LRRC57: variants seen among roughly 807,000 people sequenced by gnomAD.
The protein encoded by LRRC57 is leucine-rich repeat-containing protein 57.
In LRRC57, 14 loss-of-function variants were observed where a neutral mutation model predicts 23.1. The ratio of observed to expected loss-of-function variants is 0.61; its 90% CI spans 0.40 to 0.95. The LOEUF (loss-of-function observed/expected upper bound fraction) is 0.95, where lower values mean the gene tolerates loss of function less well. LRRC57 is among the 40% of genes least tolerant of loss of function. LRRC57 has a pLI of 0.00. For missense variants in LRRC57, 236 were observed against 284.4 expected (o/e 0.83, Z 1.22); for synonymous variants, 106 against 115.2 (o/e 0.92, Z 0.51).
At chr15:42,544,842 C>CACAATATA in intron 5 of LRRC57, among the ~76,000 whole-genome samples, 3 of 98,044 alleles carry the variant, frequency 3.1e-5, no homozygotes, top group African/African-American at 2.0e-4. Flanking sequence ...CACACACACA[C>CACAATATA]TATATATATA....
At position 42,546,623 on chromosome 15, in the gene LRRC57, A is replaced by G. The variant is rs946230525; in HGVS notation, c.492+638T>C. Among the ~76,000 whole-genome samples, 11 of 152,334 alleles carry G rather than the reference A, an allele frequency of 7.2e-5. No individual in the cohort carries two copies. The East Asian group carries it at 1.9e-3, about 27-fold the overall frequency. On this transcript the variant is annotated intron_variant, in intron 4 of 5. Coordinates refer to ENST00000397130, the MANE Select transcript of LRRC57 (RefSeq NM_153260.3). ...AGGCCATCCAGTCTCACAGTGTTTA[A>G]TATTTCATCACTTGTGCCTTCATGC...
At chr15:42,537,580 C>T (rs1260838692), downstream of LRRC57, among the ~76,000 whole-genome samples, 1 of 152,116 alleles carries the variant, frequency 6.6e-6, no homozygotes, top group Non-Finnish European at 1.5e-5. Context: ...TAAAGGGATA[C>T]CTGCACTCCC....
the LRRC57 span, chr15:42,528,515 T>A: frequency 1.7e-6 from 2 of 1,173,420 alleles, no homozygotes. Flanking sequence ...ATAAAACAAA[T>A]AAAAATTGTA....
In LRRC57 at chr15:42,539,039, G is replaced by C. The variant is rs2057614634; in HGVS notation, c.*5044C>G. On this transcript the variant is annotated 3_prime_UTR_variant, in exon 6 of 6. Transcript: ENST00000397130. The stretch of plus-strand genomic sequence containing the variant: ...TTCTAAAAAATTAAAAATTAGCTGA[G>C]TGTGGTGGCAGATAACCTGTAGCTC... 1 of 152,160 alleles carries C rather than the reference G, an allele frequency of 6.6e-6. No individual in the cohort carries two copies. Among genetic ancestry groups the C allele is most frequent in the South Asian group, 2.1e-4 (1 of 4,832 alleles). 9.4% of individuals were successfully genotyped at this position (152,160 alleles called of 1,614,324 possible).
chr15:42,548,296 GCC>G (rs1436569543), intron 2 of LRRC57, 52 bp from the exon 3 acceptor site: 1 of 1,613,478 alleles, frequency 6.2e-7, no homozygotes, highest in Non-Finnish European at 8.5e-7. Context: ...TAAGTTCGCC[GCC>G]CCCGCCGTCC....
downstream of LRRC57, among the ~76,000 whole-genome samples, chr15:42,533,991 A>C (rs1404715975): frequency 6.6e-6 from 1 of 152,310 alleles, no homozygotes; most frequent in Non-Finnish European, 1.5e-5. Context: ...TTGGGAGGCC[A>C]AGGCAGATGG....
chr15:42,537,834 CAT>C lies in LRRC57; in HGVS notation c.*6247_*6248del, dbSNP rs1192389887. The C allele has an allele frequency of 6.6e-6, 1 of 152,124 alleles. No individual in the cohort carries two copies. The highest frequency in any genetic ancestry group is 2.1e-4 in the South Asian group (1 of 4,820). 9.4% of individuals were successfully genotyped at this position (152,124 alleles called of 1,614,324 possible). On this transcript the variant is annotated 3_prime_UTR_variant, in exon 6 of 6. Coordinates refer to ENST00000397130, the MANE Select transcript of LRRC57 (RefSeq NM_153260.3). The stretch of plus-strand genomic sequence containing the variant: ...AAGACAAATACTGCATGTTCTTACT[CAT>C]GTGAGCTAAAAAATTTATTTCATGG...
the LRRC57 span, among the ~76,000 whole-genome samples, chr15:42,528,947 T>C: frequency 6.6e-6 from 1 of 152,334 alleles, no homozygotes; most frequent in Non-Finnish European, 1.5e-5. Flanking sequence ...CTTTATACTT[T>C]TCAGTACTTT....
chr15:42,532,311 T>C, the LRRC57 span: 1 of 152,070 alleles, frequency 6.6e-6, no homozygotes, highest in African/African-American at 2.4e-5. Context: ...GGTCTTGGAC[T>C]CCTGACGTCG....
the LRRC57 span, chr15:42,528,555 A>G: frequency 7.8e-6 from 7 of 899,668 alleles, no homozygotes; most frequent in African/African-American, 3.4e-5. Context: ...GCATTTAAAA[A>G]TCTGCCCACT....
rs1022736319 is a variant in LRRC57, at chr15:42,540,564, T to G, written c.*3519A>C. The G allele has an allele frequency of 6.6e-6, 1 of 152,104 alleles. No individual in the cohort carries two copies. The highest frequency in any genetic ancestry group is 1.5e-5 in the Non-Finnish European group (1 of 68,042). The allele number at this position is 152,104 out of a possible 1,614,324, so 9.4% of individuals were successfully genotyped here. On this transcript the variant is annotated 3_prime_UTR_variant, in exon 6 of 6. Coordinates refer to ENST00000397130, the MANE Select transcript of LRRC57 (RefSeq NM_153260.3). The stretch of plus-strand genomic sequence containing the variant: ...CTGTATAAAGGAGGTCAGAAAAGAC[T>G]GCACTGTGGGTTTAGAGAGAATAAT...
Position 42,541,649 on chromosome 15 carries a change from G to C in LRRC57, c.*2434C>G, listed in dbSNP as rs1243095528. The C allele has an allele frequency of 6.6e-6, 1 of 152,114 alleles. No homozygotes were observed. The highest frequency in any genetic ancestry group is 1.5e-5 in the Non-Finnish European group (1 of 68,024). The allele number at this position is 152,114 out of a possible 1,614,324, so 9.4% of individuals were successfully genotyped here. Reference sequence around the variant, plus strand: ...CATTATTGAGAACTGTTGATATATAGTTAGTAATAGCTTTGTGACTAAGAT... The same window carrying C: ...CATTATTGAGAACTGTTGATATATACTTAGTAATAGCTTTGTGACTAAGAT... On this transcript the variant is annotated 3_prime_UTR_variant, in exon 6 of 6. Coordinates refer to ENST00000397130, the MANE Select transcript of LRRC57 (RefSeq NM_153260.3).
chr15:42,545,435 G>C (rs1454695327), intron 4 of LRRC57, 173 bp from the exon 5 acceptor site: 1 of 398,706 alleles, frequency 2.5e-6, no homozygotes, highest in African/African-American at 2.1e-5. Context: ...CTGTTATCTA[G>C]CTTCTGTTAC....
chr15:42,536,231 T>A (rs180868968), downstream of LRRC57, among the ~76,000 whole-genome samples: 152 of 152,328 alleles, frequency 1.0e-3, no homozygotes, highest in African/African-American at 3.5e-3. Context: ...AGTGAGGACA[T>A]GCTGTTGGAA....
At position 42,543,931 on chromosome 15, in the gene LRRC57, T is replaced by C. The variant is rs1039877198; in HGVS notation, c.*152A>G. 1 of 552,180 alleles carries C rather than the reference T, an allele frequency of 1.8e-6. No individual in the cohort carries two copies. Among genetic ancestry groups the C allele is most frequent in the Non-Finnish European group, 3.2e-6 (1 of 310,644 alleles). 34.2% of individuals were successfully genotyped at this position (552,180 alleles called of 1,614,324 possible). ...AGCTTATTTGAGAAGAGCCCTGAAA[T>C]GAGAAAAGATCATTGAGTGAAATAT... On this transcript the variant is annotated 3_prime_UTR_variant, in exon 6 of 6. Transcript: ENST00000397130.
intron 3 of LRRC57, 137 bp from the exon 4 acceptor site, chr15:42,547,666 A>G: frequency 2.6e-6 from 2 of 772,396 alleles, no homozygotes; most frequent in East Asian, 2.6e-5. Context: ...CCATTTTTAG[A>G]TATTGCATTT....
chr15:42,528,625 G>A, the LRRC57 span, among the ~76,000 whole-genome samples: 2 of 152,084 alleles, frequency 1.3e-5, no homozygotes, highest in African/African-American at 4.8e-5. Context: ...TTGCTGTGTT[G>A]CCCAGGCTGG....
At chr15:42,545,930 C>T (rs1475919051) in intron 4 of LRRC57, among the ~76,000 whole-genome samples, 1 of 152,124 alleles carries the variant, frequency 6.6e-6, no homozygotes, top group Non-Finnish European at 1.5e-5. Flanking sequence ...AGATCTGTAT[C>T]TATACTCTTA....
Position 42,547,544 on chromosome 15 carries a change from T to G in LRRC57, c.224-15A>C. The G allele has an allele frequency of 1.9e-6, 3 of 1,592,364 alleles. No homozygotes were observed. Among genetic ancestry groups the G allele is most frequent in the Non-Finnish European group, 2.6e-6 (3 of 1,168,624 alleles). ...AGGCAGAACAGCTGGCAAAGAAAAA[T>G]TTTTTTAAAACCTGAATGTGATAGA... On this transcript the variant is annotated splice_polypyrimidine_tract_variant and intron_variant, in intron 3 of 5. Coordinates refer to ENST00000397130, the MANE Select transcript of LRRC57 (RefSeq NM_153260.3).
Sources: allele counts gnomAD v4.1 joint callset (sites outside exome capture counted in the v4.1 genomes callset), GRCh38; gene constraint gnomAD v4.1.1; transcripts MANE v1.5; gene names NCBI Gene and HGNC (gene_info 2026-07-23, HGNC 2026-07-21).